Variants in LARP4 observed in about 807,000 individuals in gnomAD.
The protein encoded by LARP4 is la-related protein 4.
A neutral mutation model predicts 92.9 loss-of-function variants in LARP4; 29 were observed. The observed-to-expected ratio is 0.31, with a 90% confidence interval of 0.23 to 0.43. LARP4 has a LOEUF of 0.43. Ranked by LOEUF, LARP4 falls within the 20% of genes least tolerant of loss-of-function variation. The probability of loss-of-function intolerance (pLI) is 1.00; values close to 1 mark genes in which losing one functional copy is unlikely to be tolerated. For missense variants in LARP4, 732 were observed against 860.0 expected, an observed-to-expected ratio of 0.85 and a Z score of 1.86; for synonymous variants, 279 against 284.1, an observed-to-expected ratio of 0.98 and a Z score of 0.18.
At position 50,462,697 on chromosome 12, in the gene LARP4, G is replaced by C. The variant is rs902114486; in HGVS notation, c.1383+67G>C. ...GTGATTTACTATGGCATTGACTTTCGGTCTTTCCTTTCTGGGTTTTTGTTT... is the reference window on the plus strand; with the variant it reads ...GTGATTTACTATGGCATTGACTTTCCGTCTTTCCTTTCTGGGTTTTTGTTT... On this transcript the variant is annotated intron_variant, in intron 12 of 15. Transcript: ENST00000398473. 3.8e-6 allele frequency: 4 copies of C among 1,064,254 alleles called. No individual in the cohort carries two copies. In the African/African-American group the frequency reaches 6.4e-5, roughly 17 times the overall value. The allele number at this position is 1,064,254 out of a possible 1,614,324, so 65.9% of individuals were successfully genotyped here. A position where few individuals can be genotyped will look rare whatever the true frequency, so the allele number is the denominator to read the frequency against.
Position 50,401,022 on chromosome 12 carries a change from C to T in LARP4, c.12C>T (p.Phe4=). The change falls in exon 1 of 16, where the codon TTC becomes TTT. Residue 4 remains phenylalanine (F), a synonymous_variant. Transcript: ENST00000398473. ...GAGCAGAGGACGACATGTTGCTTTT[C>T]GTGGAGGTGAGTGCATTATGCTAGT... MLL[F]VEQVASKGTG... 2 of 1,614,096 alleles carry T rather than the reference C, an allele frequency of 1.2e-6. No individual in the cohort carries two copies. Among genetic ancestry groups the T allele is most frequent in the Non-Finnish European group, 1.7e-6 (2 of 1,180,006 alleles).
chr12:50,421,182 C>G lies in LARP4; in HGVS notation c.19-6580C>G, dbSNP rs1947718701. 2 of 469,302 alleles carry G rather than the reference C, an allele frequency of 4.3e-6. 1 individual carries two copies. Among genetic ancestry groups the G allele is most frequent in the Admixed American group, 1.3e-4 (2 of 15,548 alleles). 29.1% of individuals were successfully genotyped at this position (469,302 alleles called of 1,614,324 possible). ...GCTAGGCTGGTCTCGAACTCCTGACCTCATGATCTGCCCGCCTTGGCCTCT... is the reference window on the plus strand; with the variant it reads ...GCTAGGCTGGTCTCGAACTCCTGACGTCATGATCTGCCCGCCTTGGCCTCT... On this transcript the variant is annotated intron_variant, in intron 1 of 15. Coordinates refer to ENST00000398473, the MANE Select transcript of LARP4 (RefSeq NM_052879.5).
chr12:50,414,231 A>C (rs867110881), intron 1 of LARP4, among the ~76,000 whole-genome samples: 4 of 152,192 alleles, frequency 2.6e-5, no homozygotes, highest in Middle Eastern at 3.2e-3. Context: ...TTCGGCAAAC[A>C]ATCTTGGTAA....
chr12:50,435,460 G>A (rs1480058234), intron 4 of LARP4, 28 bp from the exon 5 acceptor site: 1 of 1,268,876 alleles, frequency 7.9e-7, no homozygotes, highest in African/African-American at 1.6e-5. Flanking sequence ...ATAATTGCTT[G>A]TTTTATAGGA....
Position 50,437,774 on chromosome 12 carries a change from T to C in LARP4, c.575T>C (p.Val192Ala), listed in dbSNP as rs200185443. 3.1e-6 allele frequency: 5 copies of C among 1,612,276 alleles called. No individual in the cohort carries two copies. Among genetic ancestry groups the C allele is most frequent in the Non-Finnish European group, 8.5e-7 (1 of 1,178,760 alleles). ...CAAGTTGATGAGAAGGGTGAGAAAG[T>C]GAGACCAAGTCATAAGCGTTGTATT... ...MVQVDEKGEK[V>A]RPSHKRCIVI... The change falls in exon 6 of 16, where the codon GTG (valine) becomes GCG (alanine). Residue 192 changes from valine (V) to alanine (A), a missense_variant. Around this residue, in one of 7 missense-constraint regions of LARP4, gnomAD observed 236 missense variants for 307.6 expected, o/e 0.77. Coordinates refer to ENST00000398473, the MANE Select transcript of LARP4 (RefSeq NM_052879.5).
intron 8 of LARP4, among the ~76,000 whole-genome samples, chr12:50,446,411 A>C (rs565139211): frequency 0.095 from 177 of 1,864 alleles, 20 homozygotes; most frequent in Non-Finnish European, 0.17. Context: ...CTCTCTCTCT[A>C]TATATATATA....
At chr12:50,468,230 G>A (rs764259766) in intron 13 of LARP4, among the ~76,000 whole-genome samples, 9 of 152,158 alleles carry the variant, frequency 5.9e-5, no homozygotes, top group African/African-American at 2.2e-4. Flanking sequence ...CGCCCACCTC[G>A]GCCTCCCAAA....
At chr12:50,463,621 A>G (rs1267237433) in intron 12 of LARP4, among the ~76,000 whole-genome samples, 1 of 151,900 alleles carries the variant, frequency 6.6e-6, no homozygotes, top group East Asian at 1.9e-4. Flanking sequence ...CTTTGACTCC[A>G]TGTCCCACAC....
chr12:50,454,673 T>C (rs1476591676), intron 10 of LARP4: 2 of 318,460 alleles, frequency 6.3e-6, no homozygotes, highest in Non-Finnish European at 1.1e-5. Context: ...AAATATTTCA[T>C]GACACCAGTC....
intron 13 of LARP4, among the ~76,000 whole-genome samples, chr12:50,470,258 TAGTTTA>T (rs1220706884): frequency 2.0e-5 from 3 of 152,108 alleles, no homozygotes; most frequent in Admixed American, 6.6e-5. Flanking sequence ...GAAGCTATTT[TAGTTTA>T]AGTGCAGTAT....
At chr12:50,421,365 T>A in intron 1 of LARP4, 1 of 840,970 alleles carries the variant, frequency 1.2e-6, no homozygotes, top group Non-Finnish European at 1.4e-6. Context: ...TGCTTTAGGC[T>A]GGGTGCAGCG....
chr12:50,411,715 CTGT>C (rs1303785028), intron 1 of LARP4, among the ~76,000 whole-genome samples: 2 of 151,980 alleles, frequency 1.3e-5, no homozygotes, highest in East Asian at 3.8e-4. Flanking sequence ...GAGTCTCGCT[CTGT>C]TGCCCAAGCT....
chr12:50,401,101 C>T (rs1943728849), intron 1 of LARP4, 73 bp downstream of exon 1: 1 of 1,561,928 alleles, frequency 6.4e-7, no homozygotes, highest in South Asian at 1.1e-5. Flanking sequence ...GGTCCCACCG[C>T]CATGTGACTT....
At chr12:50,473,618 C>T in intron 14 of LARP4, 82 bp downstream of exon 14, 2 of 1,462,818 alleles carry the variant, frequency 1.4e-6, no homozygotes, top group African/African-American at 2.8e-5. Flanking sequence ...GTAATCCCAG[C>T]ACTTTGGGAG....
chr12:50,415,825 A>G (rs1339898631), intron 1 of LARP4: 1 of 150,012 alleles, frequency 6.7e-6, no homozygotes, highest in Admixed American at 6.7e-5. Flanking sequence ...AGTGGCTGGG[A>G]CTACAGGTAT....
chr12:50,436,070 T>TGTGTGTATCCCGCTG (rs1950380401), intron 5 of LARP4, among the ~76,000 whole-genome samples: 1 of 132,004 alleles, frequency 7.6e-6, no homozygotes, highest in Non-Finnish European at 1.6e-5. Context: ...TGTGTGTGTG[T>TGTGTGTATCCCGCTG]GTGTGTGTGT....
chr12:50,444,800 G>A (rs548915781), intron 8 of LARP4, among the ~76,000 whole-genome samples: 1 of 152,284 alleles, frequency 6.6e-6, no homozygotes, highest in African/African-American at 2.4e-5. Flanking sequence ...TTCTATGCCT[G>A]AAAATAACTG....
At chr12:50,463,418 TCCAAAA>T (rs1449262943) in intron 12 of LARP4, among the ~76,000 whole-genome samples, 386 of 32,200 alleles carry the variant, frequency 0.012, 5 homozygotes, top group Non-Finnish European at 0.021. Flanking sequence ...ACCCCATCTC[TCCAAAA>T]AAAAAAAAAA....
At chr12:50,433,437 G>T (rs1949981038) in intron 4 of LARP4, among the ~76,000 whole-genome samples, 1 of 151,896 alleles carries the variant, frequency 6.6e-6, no homozygotes, top group East Asian at 1.9e-4. Flanking sequence ...TACATATCAG[G>T]TATTACTCAT....
Sources: gnomAD v4.1 joint callset for allele counts (sites outside exome capture counted in the v4.1 genomes callset) on GRCh38, gnomAD v4.1.1 for gene constraint, gnomAD v4.1.1 regional missense constraint, MANE v1.5 for transcripts, NCBI Gene and HGNC (gene_info 2026-07-23, HGNC 2026-07-21) for gene names.